Variants in NEBL observed in about 807,000 individuals in gnomAD.
NEBL encodes the protein LIM and SH3 protein 2.
A neutral mutation model predicts 140.2 loss-of-function variants in NEBL; 122 were observed. The ratio of observed to expected loss-of-function variants is 0.87; its 90% CI spans 0.75 to 1.01. The LOEUF is 1.01. Ranked by LOEUF, NEBL falls within the 50% of genes least tolerant of loss-of-function variation. NEBL has a pLI of 0.00. For synonymous variants in NEBL, 436 were observed against 398.9 expected, an observed-to-expected ratio of 1.09 and a Z score of -1.11; for missense variants, 1,365 against 1,231.3, an observed-to-expected ratio of 1.11 and a Z score of -1.62.
chr10:20,871,725 G>A (rs2131256106), intron 5 of NEBL, among the ~76,000 whole-genome samples: 1 of 152,234 alleles, frequency 6.6e-6, no homozygotes, highest in Middle Eastern at 3.4e-3. Context: ...ATGTTAACAA[G>A]TCATTTCAGG....
At chr10:21,123,810 T>C (rs1838690980) in intron 2 of NEBL, among the ~76,000 whole-genome samples, 1 of 150,692 alleles carries the variant, frequency 6.6e-6, no homozygotes, top group Admixed American at 6.6e-5. Flanking sequence ...ATATACATAA[T>C]CTCCAATTGG....
chr10:20,792,633 C>A (rs1429357674), intron 26 of NEBL, among the ~76,000 whole-genome samples: 7 of 152,044 alleles, frequency 4.6e-5, no homozygotes, highest in South Asian at 2.1e-4. Context: ...GAAACCCCAA[C>A]TCTACTAAAA....
chr10:21,172,481 GAAAA>G, intron 1 of NEBL: 2 of 1,385,170 alleles, frequency 1.4e-6, no homozygotes. Flanking sequence ...GCCAATACTG[GAAAA>G]AAAAAAAAAA....
chr10:21,130,890 G>C (rs1374983534), intron 2 of NEBL, among the ~76,000 whole-genome samples: 1 of 151,738 alleles, frequency 6.6e-6, no homozygotes, highest in Non-Finnish European at 1.5e-5. Context: ...ATAAAAATTA[G>C]AGCAGAAAAC....
At chr10:20,969,534 T>C (rs1447922754) in intron 3 of NEBL, among the ~76,000 whole-genome samples, 1 of 150,214 alleles carries the variant, frequency 6.7e-6, no homozygotes, top group Non-Finnish European at 1.5e-5. Context: ...AAAATGACTT[T>C]TTTTCTTTTC....
chr10:21,275,122 T>C (rs1405079466), intron 1 of NEBL, among the ~76,000 whole-genome samples: 3 of 152,176 alleles, frequency 2.0e-5, no homozygotes, highest in Non-Finnish European at 4.4e-5. Context: ...AGCCTTCAGA[T>C]GAGATGCCCA....
intron 2 of NEBL, among the ~76,000 whole-genome samples, chr10:21,026,118 A>C (rs2131787937): frequency 6.6e-6 from 1 of 152,360 alleles, no homozygotes. Flanking sequence ...GAGAAACATT[A>C]GTGAACAACT....
At chr10:20,888,528 G>C (rs541527284) in intron 3 of NEBL, among the ~76,000 whole-genome samples, 2 of 152,204 alleles carry the variant, frequency 1.3e-5, no homozygotes, top group Non-Finnish European at 2.9e-5. Flanking sequence ...CAAACAATTC[G>C]AGTTGTTCCA....
chr10:20,949,845 G>A (rs1295063485), intron 4 of NEBL, among the ~76,000 whole-genome samples: 3 of 151,854 alleles, frequency 2.0e-5, no homozygotes, highest in African/African-American at 7.3e-5. Context: ...AATACTGATA[G>A]GCAAATAGTG....
At chr10:21,051,596 G>A (rs1834782273) in intron 2 of NEBL, among the ~76,000 whole-genome samples, 1 of 151,692 alleles carries the variant, frequency 6.6e-6, no homozygotes, top group African/African-American at 2.4e-5. Context: ...GAGAAATGAG[G>A]CACAAAAAAA....
intron 7 of NEBL, among the ~76,000 whole-genome samples, chr10:20,861,605 G>C (rs74123509): frequency 0.018 from 2,741 of 152,222 alleles, 92 homozygotes; most frequent in African/African-American, 0.063. Flanking sequence ...CTCTTCAACA[G>C]CCTTCCGCTG....
At chr10:21,192,122 C>T (rs1267667799) in intron 3 of NEBL, among the ~76,000 whole-genome samples, 7 of 152,116 alleles carry the variant, frequency 4.6e-5, no homozygotes, top group Non-Finnish European at 1.0e-4. Context: ...ATAAACTCTT[C>T]TAGGCAATGC....
At chr10:20,916,675 G>A (rs1433310653) in intron 4 of NEBL, among the ~76,000 whole-genome samples, 1 of 152,190 alleles carries the variant, frequency 6.6e-6, no homozygotes, top group Non-Finnish European at 1.5e-5. Context: ...CTCTCAAAAT[G>A]CTGGGATTAC....
chr10:21,268,565 C>T (rs540231669), intron 1 of NEBL, among the ~76,000 whole-genome samples: 1 of 151,250 alleles, frequency 6.6e-6, no homozygotes, highest in East Asian at 1.9e-4. Flanking sequence ...GCTCTGTCAC[C>T]CAGGCTGGAG....
intron 2 of NEBL, among the ~76,000 whole-genome samples, chr10:21,103,986 G>C (rs1295053273): frequency 6.6e-6 from 1 of 152,100 alleles, no homozygotes; most frequent in South Asian, 2.1e-4. Context: ...TAAGTGCTCA[G>C]GTTTTGTTTT....
intron 2 of NEBL, among the ~76,000 whole-genome samples, chr10:21,023,724 A>G (rs1007598158): frequency 1.3e-5 from 2 of 151,158 alleles, no homozygotes; most frequent in Non-Finnish European, 2.9e-5. Flanking sequence ...AATAAATAAA[A>G]TAAAGTAAAA....
chr10:21,145,719 A>C (rs1484661250), intron 2 of NEBL, among the ~76,000 whole-genome samples: 3 of 152,178 alleles, frequency 2.0e-5, no homozygotes, highest in African/African-American at 7.2e-5. Context: ...ACAGAATCAG[A>C]TCTACCGGTC....
chr10:21,255,410 C>A (rs1040864102), intron 1 of NEBL, among the ~76,000 whole-genome samples: 1 of 152,024 alleles, frequency 6.6e-6, no homozygotes, highest in Non-Finnish European at 1.5e-5. Flanking sequence ...ATAATAAAGA[C>A]CTACTAAAAA....
At chr10:21,238,663 C>A (rs1296335258) in intron 3 of NEBL, among the ~76,000 whole-genome samples, 1 of 146,894 alleles carries the variant, frequency 6.8e-6, no homozygotes, top group South Asian at 2.1e-4. Context: ...TGAGCCCTCG[C>A]GCCATTACAC....
Sources: allele counts gnomAD v4.1 joint callset (sites outside exome capture counted in the v4.1 genomes callset), GRCh38; gene constraint gnomAD v4.1.1; transcripts MANE v1.5; gene names NCBI Gene and HGNC (gene_info 2026-07-23, HGNC 2026-07-21).